The following BEND5 variants were observed in gnomAD, a reference collection of about 807,000 sequenced individuals.
The protein encoded by BEND5 is BEN domain containing 5.
BEND5 carries 22 observed loss-of-function variants against 43.9 expected under a neutral mutation model. The observed-to-expected ratio is 0.50, with a 90% confidence interval of 0.36 to 0.72. The LOEUF is 0.72. Among genes scored for constraint, BEND5 ranks in the 30% least tolerant of loss-of-function variants. The pLI, the probability that BEND5 is intolerant of heterozygous loss-of-function variation, is 0.00. For missense variants in BEND5, 428 were observed against 550.6 expected (o/e 0.78, Z 2.23); for synonymous variants, 228 against 225.9 (o/e 1.01, Z -0.08).
At chr1:48,769,570 C>CACACACACACACACACACACA (rs34256470) in intron 1 of BEND5, among the ~76,000 whole-genome samples, 1 of 142,384 alleles carries the variant, frequency 7.0e-6, no homozygotes, top group African/African-American at 2.9e-5. Context: ...CACACACACA[C>CACACACACACACACACACACA]AAGTTAAATT....
chr1:48,750,554 C>G (rs373361997), intron 3 of BEND5, among the ~76,000 whole-genome samples: 3 of 152,206 alleles, frequency 2.0e-5, no homozygotes, highest in South Asian at 2.1e-4. Flanking sequence ...AAAGCTCACC[C>G]TGCATCCCAA....
At chr1:48,733,907 C>T (rs1194207136) in intron 5 of BEND5, among the ~76,000 whole-genome samples, 2 of 152,154 alleles carry the variant, frequency 1.3e-5, no homozygotes, top group African/African-American at 4.8e-5. Flanking sequence ...ATACAGTCCC[C>T]AGATCCCTGA....
intron 3 of BEND5, among the ~76,000 whole-genome samples, chr1:48,757,575 A>G (rs560409939): frequency 1.3e-5 from 2 of 152,294 alleles, no homozygotes; most frequent in South Asian, 2.1e-4. Context: ...GGAAGTCCCA[A>G]TGTCATTTCC....
intron 1 of BEND5, among the ~76,000 whole-genome samples, chr1:48,772,499 G>A (rs1644888016): frequency 6.6e-6 from 1 of 152,142 alleles, no homozygotes; most frequent in South Asian, 2.1e-4. Context: ...TGTGTTCACA[G>A]AAGAGTAAAA....
At chr1:48,766,624 A>G (rs950338354) in intron 1 of BEND5, among the ~76,000 whole-genome samples, 2 of 152,180 alleles carry the variant, frequency 1.3e-5, no homozygotes, top group Admixed American at 6.5e-5. Context: ...GTCAGGAATG[A>G]GTTCAGGAAA....
intron 3 of BEND5, among the ~76,000 whole-genome samples, chr1:48,750,168 G>A (rs1363503746): frequency 3.0e-4 from 46 of 152,174 alleles, no homozygotes; most frequent in Admixed American, 3.0e-3. Context: ...GCTGTTGATT[G>A]ATTTGCCTGA....
chr1:48,772,975 C>T (rs1345758791), intron 1 of BEND5, among the ~76,000 whole-genome samples: 4 of 152,138 alleles, frequency 2.6e-5, no homozygotes, highest in African/African-American at 9.7e-5. Flanking sequence ...CCATCACTCC[C>T]TCCCCCACAG....
intron 1 of BEND5, among the ~76,000 whole-genome samples, chr1:48,762,149 G>A (rs971108812): frequency 2.6e-5 from 4 of 152,190 alleles, no homozygotes; most frequent in Non-Finnish European, 4.4e-5. Flanking sequence ...GCTTGCCCAC[G>A]GCATGAGTCT....
chr1:48,734,313 C>T (rs946451258), intron 5 of BEND5, among the ~76,000 whole-genome samples: 1 of 152,136 alleles, frequency 6.6e-6, no homozygotes, highest in South Asian at 2.1e-4. Flanking sequence ...AGGCTGGTTG[C>T]TTACCCTATG....
chr1:48,737,258 T>C (rs1286791450), intron 4 of BEND5, among the ~76,000 whole-genome samples: 1 of 151,678 alleles, frequency 6.6e-6, no homozygotes. Context: ...CACTCCAGTC[T>C]GGGAGACAGA....
At chr1:48,737,898 C>A (rs1035851705) in intron 4 of BEND5, among the ~76,000 whole-genome samples, 3 of 152,064 alleles carry the variant, frequency 2.0e-5, no homozygotes, top group Admixed American at 6.5e-5. Flanking sequence ...TGCTAATGAG[C>A]TAAACTTTCT....
At chr1:48,756,326 C>CT (rs1193467533) in intron 3 of BEND5, among the ~76,000 whole-genome samples, 1 of 152,204 alleles carries the variant, frequency 6.6e-6, no homozygotes, top group East Asian at 1.9e-4. Context: ...ATCCCCTCTG[C>CT]TGTCCCACAG....
intron 3 of BEND5, among the ~76,000 whole-genome samples, chr1:48,744,137 A>T (rs1650364473): frequency 3.9e-5 from 6 of 152,208 alleles, no homozygotes. Flanking sequence ...AAGGACCAAT[A>T]GCATCATCAT....
chr1:48,728,939 C>T (rs371581206), intron 5 of BEND5, among the ~76,000 whole-genome samples: 22 of 152,162 alleles, frequency 1.4e-4, no homozygotes, highest in East Asian at 7.7e-4. Context: ...AGGCTCAGTA[C>T]GGCCACTCTC....
chr1:48,748,811 G>C (rs1240647227), intron 3 of BEND5, among the ~76,000 whole-genome samples: 1 of 152,102 alleles, frequency 6.6e-6, no homozygotes, highest in East Asian at 1.9e-4. Context: ...TTGGGGAGGT[G>C]GGGGAGTAGT....
chr1:48,750,932 G>A (rs1267700044), intron 3 of BEND5, among the ~76,000 whole-genome samples: 2 of 152,152 alleles, frequency 1.3e-5, no homozygotes, highest in South Asian at 2.1e-4. Flanking sequence ...GAGCAGCAAG[G>A]GAGGGTATGG....
intron 1 of BEND5, among the ~76,000 whole-genome samples, chr1:48,763,797 A>G (rs1273884944): frequency 2.6e-5 from 4 of 152,236 alleles, no homozygotes; most frequent in Admixed American, 1.3e-4. Context: ...AATGCAGATG[A>G]GAAAAACAAG....
At chr1:48,741,104 T>C (rs1649848193) in intron 4 of BEND5, among the ~76,000 whole-genome samples, 1 of 152,170 alleles carries the variant, frequency 6.6e-6, no homozygotes, top group Non-Finnish European at 1.5e-5. Context: ...CCATCAGCCT[T>C]CAAGGCAAGG....
At chr1:48,767,024 AG>A (rs1644564932) in intron 1 of BEND5, among the ~76,000 whole-genome samples, 1 of 152,224 alleles carries the variant, frequency 6.6e-6, no homozygotes, top group African/African-American at 2.4e-5. Context: ...CCTAATCCTG[AG>A]TTGAAGGTAT....
Sources: gnomAD v4.1 joint callset for allele counts (sites outside exome capture counted in the v4.1 genomes callset) on GRCh38, gnomAD v4.1.1 for gene constraint, MANE v1.5 for transcripts, NCBI Gene and HGNC (gene_info 2026-07-23, HGNC 2026-07-21) for gene names.